The following PSMD5 variants were observed in gnomAD, a reference collection of about 807,000 sequenced individuals.
PSMD5 encodes 26S proteasome non-ATPase regulatory subunit 5.
PSMD5 carries 40 observed loss-of-function variants against 52.1 expected under a neutral mutation model. The ratio of observed to expected loss-of-function variants is 0.77; its 90% CI spans 0.60 to 1.00. The LOEUF (loss-of-function observed/expected upper bound fraction) is 1.00. PSMD5 is among the 50% of genes least tolerant of loss of function. The pLI is 0.00. For synonymous variants in PSMD5, 211 were observed against 226.6 expected (o/e 0.93, Z 0.62); for missense variants, 575 against 605.2 (o/e 0.95, Z 0.52).
In PSMD5 at chr9:120,842,843, G is replaced by T. The variant is rs770990489; in HGVS notation, c.67C>A (p.Arg23Ser). Reference protein sequence around the residue: ...ARLEAPLEELRALHSVLQAVP... With the variant: ...ARLEAPLEELSALHSVLQAVP... The stretch of plus-strand genomic sequence containing the variant: ...GCCTGCAGCACGGAGTGAAGCGCGC[G>T]TAGCTCCTCCAGCGGCGCTTCCAGC... Residue 23 changes from arginine to serine, a missense_variant, in exon 1 of 10, where the codon CGC becomes AGC. Physicochemically the swap from Arg to Ser is moderately radical, Grantham distance 110. Transcript: ENST00000210313. 6.2e-7 allele frequency: 1 copy of T among 1,609,068 alleles called. No individual in the cohort carries two copies. The highest frequency in any genetic ancestry group is 8.5e-7 in the Non-Finnish European group (1 of 1,179,246).
intron 1 of PSMD5, 55 bp from the exon 2 acceptor site, chr9:120,833,511 A>T (rs2045175799): frequency 6.5e-7 from 1 of 1,545,698 alleles, no homozygotes; most frequent in African/African-American, 1.4e-5. Flanking sequence ...GTAGGAAGTA[A>T]CAACCTAATA....
rs2045126235 is a variant in PSMD5 at position 120,826,867 on chromosome 9, G to A, written c.712C>T (p.His238Tyr). 5 of 1,613,728 alleles carry A rather than the reference G, an allele frequency of 3.1e-6. No homozygotes were observed. The highest frequency in any genetic ancestry group is 3.4e-6 in the Non-Finnish European group (4 of 1,179,644). Residue 238 changes from histidine (H) to tyrosine (Y), a missense_variant, in exon 6 of 10, where the codon CAT (histidine) becomes TAT (tyrosine). By Grantham distance (83) the His-to-Tyr change is moderately conservative. Transcript: ENST00000210313. ...IEMVTSLAYT[H>Y]HGRQYLAQEG... ...TGAGCAAGATATTGTCGCCCATGAT[G>A]AGTATATGCCAGTGATGTCACCATT...
At position 120,817,283 on chromosome 9, in the gene PSMD5, A is replaced by T. The variant is rs1418860303; in HGVS notation, c.*623T>A. The T allele has an allele frequency of 1.3e-5, 2 of 151,968 alleles. No homozygotes were observed. Among genetic ancestry groups the T allele is most frequent in the East Asian group, 3.9e-4 (2 of 5,190 alleles). 9.4% of individuals were successfully genotyped at this position (151,968 alleles called of 1,614,324 possible). A position where few individuals can be genotyped will look rare whatever the true frequency, so the allele number is the denominator to read the frequency against. On this transcript the variant is annotated 3_prime_UTR_variant, in exon 10 of 10. Coordinates refer to ENST00000210313, the MANE Select transcript of PSMD5 (RefSeq NM_005047.4). Reference sequence around the variant, plus strand: ...TGGCAGGTTTTTATTTTATTCATTTATTTTTGAGACAGAGTCTTGCTGTGT... The same window carrying T: ...TGGCAGGTTTTTATTTTATTCATTTTTTTTTGAGACAGAGTCTTGCTGTGT...
intron 1 of PSMD5, chr9:120,842,202 CCTCGTGGGAA>C (rs1433456605): frequency 6.4e-6 from 1 of 155,684 alleles, no homozygotes; most frequent in Admixed American, 6.3e-5. Context: ...TGAAGCACTC[CCTCGTGGGAA>C]CTCTCTTGCC....
Position 120,842,853 on chromosome 9 carries a change from C to T in PSMD5, c.57G>A (p.Leu19=), listed in dbSNP as rs759383089. The T allele has an allele frequency of 1.1e-5, 18 of 1,606,596 alleles. No individual in the cohort carries two copies. The highest frequency in any genetic ancestry group is 1.4e-5 in the Non-Finnish European group (17 of 1,178,702). ...LREVARLEAP[L]EELRALHSVL... ...CGGAGTGAAGCGCGCGTAGCTCCTC[C>T]AGCGGCGCTTCCAGCCTCGCTACCT... The change falls in exon 1 of 10, where the codon CTG becomes CTA. Residue 19 remains leucine, a synonymous_variant. Coordinates refer to ENST00000210313, the MANE Select transcript of PSMD5 (RefSeq NM_005047.4).
chr9:120,828,832 G>T (rs914563388), intron 5 of PSMD5, among the ~76,000 whole-genome samples: 6 of 152,180 alleles, frequency 3.9e-5, no homozygotes, highest in South Asian at 4.1e-4. Context: ...CCACATGATT[G>T]CAACTTTTTA....
At chr9:120,819,617 A>G (rs1350136043) in intron 9 of PSMD5, among the ~76,000 whole-genome samples, 3 of 152,126 alleles carry the variant, frequency 2.0e-5, no homozygotes, top group South Asian at 2.1e-4. Context: ...GGCGGATCAC[A>G]AGGTCAGGAG....
At position 120,829,121 on chromosome 9, in the gene PSMD5, T is replaced by C; in HGVS notation, c.649A>G (p.Thr217Ala). 1 of 1,601,318 alleles carries C rather than the reference T, an allele frequency of 6.2e-7. No homozygotes were observed. The highest frequency in any genetic ancestry group is 8.5e-7 in the Non-Finnish European group (1 of 1,174,418). The change falls in exon 5 of 10, where the codon ACT (threonine) becomes GCT (alanine). Residue 217 changes from threonine (T) to alanine (A), a missense_variant. By Grantham distance (58) the Thr-to-Ala change is moderately conservative. Transcript: ENST00000210313. ...CACCTGACCAACACATCCTCACCAG[T>C]CAGCTCTCTCAGGAGCTGGGTTACC... is the stretch of plus-strand genomic sequence containing the variant. ...GLVTQLLREL[T>A]GEDVLVRATC...
Position 120,829,189 on chromosome 9 carries a change from G to A in PSMD5, c.581C>T (p.Ser194Phe), listed in dbSNP as rs757966541. 6.9e-6 allele frequency: 11 copies of A among 1,592,880 alleles called. No individual in the cohort carries two copies. Among genetic ancestry groups the A allele is most frequent in the Non-Finnish European group, 8.5e-7 (1 of 1,170,976 alleles). The change falls in exon 5 of 10, where the codon TCC (serine) becomes TTC (phenylalanine). Residue 194 changes from serine (S) to phenylalanine (F), a missense_variant. Ser to Phe is a radical substitution (Grantham distance 155). Transcript: ENST00000210313. ...RVYELIIEIS[S>F]VSPESLNYCT... The stretch of plus-strand genomic sequence containing the variant: ...GTAGTTTAAAGATTCTGGTGACACG[G>A]AAGAAATCTCTATAATTAGCTGAAA...
intron 4 of PSMD5, among the ~76,000 whole-genome samples, chr9:120,830,830 T>G (rs2045154450): frequency 6.6e-6 from 1 of 152,108 alleles, no homozygotes; most frequent in Admixed American, 6.5e-5. Context: ...CTACTACAAA[T>G]TTTTTCAAGT....
At chr9:120,822,568 A>G (rs1185590696) in intron 7 of PSMD5, among the ~76,000 whole-genome samples, 1 of 152,008 alleles carries the variant, frequency 6.6e-6, no homozygotes, top group African/African-American at 2.4e-5. Context: ...TATTTTTTTG[A>G]GATGGAGTCT....
chr9:120,833,296 T>C lies in PSMD5; in HGVS notation c.318+16A>G, dbSNP rs201280177. On this transcript the variant is annotated intron_variant, in intron 2 of 9. Coordinates refer to ENST00000210313, the MANE Select transcript of PSMD5 (RefSeq NM_005047.4). Reference sequence around the variant, plus strand: ...AGAGCAGGTGGTCAATGTCGGTTCCTAGTAGAATTTCATACCTGGGAAAGA... The same window carrying C: ...AGAGCAGGTGGTCAATGTCGGTTCCCAGTAGAATTTCATACCTGGGAAAGA... The C allele has an allele frequency of 1.2e-6, 2 of 1,612,932 alleles. No individual in the cohort carries two copies. The highest frequency in any genetic ancestry group is 1.7e-6 in the Non-Finnish European group (2 of 1,179,096).
intron 9 of PSMD5, among the ~76,000 whole-genome samples, chr9:120,819,081 T>A (rs1588065331): frequency 6.6e-6 from 1 of 152,372 alleles, no homozygotes; most frequent in East Asian, 1.9e-4. Context: ...TCTGTGATTT[T>A]AAAAAATTCT....
At chr9:120,835,136 G>C (rs1564477970) in intron 1 of PSMD5, among the ~76,000 whole-genome samples, 1 of 152,138 alleles carries the variant, frequency 6.6e-6, no homozygotes, top group Non-Finnish European at 1.5e-5. Flanking sequence ...GTAGTATTAA[G>C]AATGTTTTTA....
chr9:120,823,429 G>A (rs567753307), intron 7 of PSMD5, among the ~76,000 whole-genome samples: 2 of 151,242 alleles, frequency 1.3e-5, no homozygotes, highest in African/African-American at 2.4e-5. Context: ...GGCTGGTCTC[G>A]AGCTCCTGAC....
At chr9:120,823,229 T>TA (rs968294454) in intron 7 of PSMD5, among the ~76,000 whole-genome samples, 21 of 151,360 alleles carry the variant, frequency 1.4e-4, no homozygotes, top group African/African-American at 4.4e-4. Flanking sequence ...TTTTTTTTTT[T>TA]ACAGAGTCTC....
At chr9:120,834,684 G>A (rs1390976890) in intron 1 of PSMD5, among the ~76,000 whole-genome samples, 4 of 152,354 alleles carry the variant, frequency 2.6e-5, no homozygotes, top group Non-Finnish European at 4.4e-5. Context: ...GGTATTTTAT[G>A]TCATGCTTGG....
intron 1 of PSMD5, among the ~76,000 whole-genome samples, chr9:120,836,926 G>A (rs911077808): frequency 6.5e-5 from 9 of 137,850 alleles, no homozygotes; most frequent in African/African-American, 2.5e-4. Flanking sequence ...GTCTCACTCT[G>A]TTGCCCAGGC....
intron 9 of PSMD5, among the ~76,000 whole-genome samples, chr9:120,818,741 AC>A (rs1444387062): frequency 2.0e-5 from 3 of 151,954 alleles, no homozygotes; most frequent in East Asian, 1.9e-4. Context: ...TTTTAAAAAA[AC>A]GTAACATTGA....
Sources: allele counts gnomAD v4.1 joint callset (sites outside exome capture counted in the v4.1 genomes callset), GRCh38; gene constraint gnomAD v4.1.1; transcripts MANE v1.5; gene names NCBI Gene and HGNC (gene_info 2026-07-23, HGNC 2026-07-21).